The following NAALADL2 variants were observed in gnomAD, a reference collection of about 807,000 sequenced individuals.
NAALADL2 encodes the protein inactive N-acetylated-alpha-linked acidic dipeptidase-like protein 2.
Under a neutral mutation model 87.2 loss-of-function variants are expected in NAALADL2, and 76 were observed. The observed-to-expected ratio is 0.87, with a 90% confidence interval of 0.72 to 1.05. The LOEUF (loss-of-function observed/expected upper bound fraction) is 1.05. NAALADL2 is among the 50% of genes least tolerant of loss of function. The pLI is 0.00. For missense variants in NAALADL2, 1,089 were observed against 945.8 expected (o/e 1.15, Z -1.99); for synonymous variants, 354 against 331.0 (o/e 1.07, Z -0.75).
At position 175,369,959 on chromosome 3, in the gene NAALADL2, A is replaced by G. The variant is rs1766242113; in HGVS notation, c.1090+45634A>G. On this transcript the variant is annotated intron_variant, in intron 5 of 13. Transcript: ENST00000454872. The stretch of plus-strand genomic sequence containing the variant: ...GAAAGTTTCCCTTAACCTCCAAAAA[A>G]TAATTGGGTTAATCCAGCTACCACA... 1.3e-5 allele frequency among the ~76,000 whole-genome samples: 2 copies of G among 152,172 alleles called. 1 individual carries two copies. Among genetic ancestry groups the G allele is most frequent in the South Asian group, 4.1e-4 (2 of 4,836 alleles).
At chr3:174,525,305 G>T (rs1720639302) in intron 1 of NAALADL2, among the ~76,000 whole-genome samples, 2 of 152,206 alleles carry the variant, frequency 1.3e-5, no homozygotes, top group Non-Finnish European at 2.9e-5. Flanking sequence ...AAGAAAAGAG[G>T]TTTAGTTGGC....
chr3:174,445,383 T>C (rs1714976897), intron 1 of NAALADL2, among the ~76,000 whole-genome samples: 1 of 152,122 alleles, frequency 6.6e-6, no homozygotes, highest in Admixed American at 6.5e-5. Context: ...GTTAGGGGCC[T>C]ATAATTATAG....
At position 174,691,778 on chromosome 3, in the gene NAALADL2, C is replaced by T. The variant is rs561376103; in HGVS notation, c.-114-45863C>T. On this transcript the variant is annotated intron_variant, in intron 2 of 3. Coordinates refer to the NAALADL2 transcript ENST00000434257. ...AAGTTTATGTAATATTCTAAATCTT[C>T]TCTTGTTATTTCAACACTGTTCGTG... Among the ~76,000 whole-genome samples the T allele has an allele frequency of 3.9e-4, 59 of 152,322 alleles. No individual in the cohort carries two copies. The South Asian group carries it at 0.012, about 30-fold the overall frequency.
intron 1 of NAALADL2, among the ~76,000 whole-genome samples, chr3:174,501,077 A>ATTTT (rs71624286): frequency 9.1e-6 from 1 of 109,774 alleles, no homozygotes; most frequent in African/African-American, 3.6e-5. Flanking sequence ...ATAGGTCTCA[A>ATTTT]TTTTTTTTTT....
intron 11 of NAALADL2, among the ~76,000 whole-genome samples, chr3:175,652,993 T>C (rs1204278434): frequency 6.6e-6 from 1 of 152,190 alleles, no homozygotes; most frequent in Non-Finnish European, 1.5e-5. Context: ...TTGTATGTTA[T>C]ATGTATTGTA....
At chr3:175,160,795 T>C (rs1388628621) in intron 2 of NAALADL2, among the ~76,000 whole-genome samples, 1 of 152,168 alleles carries the variant, frequency 6.6e-6, no homozygotes, top group Non-Finnish European at 1.5e-5. Context: ...ACTTTCACCA[T>C]TTCGGGAGAT....
intron 5 of NAALADL2, among the ~76,000 whole-genome samples, chr3:175,381,043 A>G (rs965468315): frequency 1.2e-4 from 19 of 152,052 alleles, no homozygotes; most frequent in South Asian, 4.1e-4. Context: ...ATAAAACACT[A>G]AAAGAAAGGT....
chr3:175,501,650 T>C (rs1303513920), intron 9 of NAALADL2, among the ~76,000 whole-genome samples: 1 of 152,070 alleles, frequency 6.6e-6, no homozygotes, highest in African/African-American at 2.4e-5. Context: ...GTCCTTTATC[T>C]GAAATAAGGC....
At chr3:174,751,704 G>T (rs1394747894) in intron 3 of NAALADL2, among the ~76,000 whole-genome samples, 1 of 150,532 alleles carries the variant, frequency 6.6e-6, no homozygotes, top group Non-Finnish European at 1.5e-5. Flanking sequence ...TCCTAGTATT[G>T]GAAATTCATT....
At chr3:174,882,899 A>G (rs1042761182) in intron 1 of NAALADL2, among the ~76,000 whole-genome samples, 35 of 150,268 alleles carry the variant, frequency 2.3e-4, no homozygotes, top group African/African-American at 6.6e-4. Flanking sequence ...ATGTATATAT[A>G]TGTGTATATA....
chr3:175,340,213 A>T (rs1447313237), intron 5 of NAALADL2, among the ~76,000 whole-genome samples: 2 of 152,182 alleles, frequency 1.3e-5, no homozygotes. Context: ...AAGTATAAGG[A>T]ATGCTACAAA....
chr3:174,836,763 A>G (rs1723385038), intron 3 of NAALADL2, among the ~76,000 whole-genome samples: 1 of 151,066 alleles, frequency 6.6e-6, no homozygotes, highest in South Asian at 2.1e-4. Context: ...TATGTTATGT[A>G]TATTTTACCA....
chr3:175,037,985 C>T (rs1753622758), intron 1 of NAALADL2, among the ~76,000 whole-genome samples: 1 of 152,070 alleles, frequency 6.6e-6, no homozygotes, highest in South Asian at 2.1e-4. Flanking sequence ...CTTTCTTGGC[C>T]TCCCTCCTAA....
intron 2 of NAALADL2, among the ~76,000 whole-genome samples, chr3:174,612,368 A>G (rs1270104659): frequency 6.6e-6 from 1 of 152,138 alleles, no homozygotes; most frequent in Non-Finnish European, 1.5e-5. Context: ...ATCCCTTTGA[A>G]TAAACGTTCT....
At chr3:175,042,410 A>C (rs1754184508) in intron 1 of NAALADL2, among the ~76,000 whole-genome samples, 1 of 152,154 alleles carries the variant, frequency 6.6e-6, no homozygotes, top group Admixed American at 6.5e-5. Context: ...TAAATATGAA[A>C]GTAAAGATGT....
intron 1 of NAALADL2, among the ~76,000 whole-genome samples, chr3:174,512,405 TC>T (rs759703479): frequency 1.1e-4 from 17 of 152,176 alleles, no homozygotes; most frequent in Admixed American, 1.3e-4. Flanking sequence ...CTTCTGAATG[TC>T]CCCAGTGTTC....
At chr3:175,745,514 T>C (rs750751274) in intron 12 of NAALADL2, among the ~76,000 whole-genome samples, 1 of 152,308 alleles carries the variant, frequency 6.6e-6, no homozygotes, top group Middle Eastern at 3.4e-3. Context: ...CTATAGATCA[T>C]CTCTAGATTA....
At chr3:175,319,050 A>G (rs1759508275) in intron 4 of NAALADL2, among the ~76,000 whole-genome samples, 1 of 152,250 alleles carries the variant, frequency 6.6e-6, no homozygotes, top group Non-Finnish European at 1.5e-5. Flanking sequence ...AAGAATAGCT[A>G]TTTCTGCATG....
chr3:174,730,462 C>T (rs538074982), intron 2 of NAALADL2, among the ~76,000 whole-genome samples: 34 of 152,080 alleles, frequency 2.2e-4, no homozygotes, highest in African/African-American at 8.2e-4. Flanking sequence ...AACACTTTTC[C>T]TATATTCTAT....
Sources: allele counts gnomAD v4.1 joint callset (sites outside exome capture counted in the v4.1 genomes callset), GRCh38; gene constraint gnomAD v4.1.1; transcripts MANE v1.5; gene names NCBI Gene and HGNC (gene_info 2026-07-23, HGNC 2026-07-21).